Variants in C3orf49 observed in about 807,000 individuals in gnomAD.
C3orf49 encodes the protein chromosome 3 open reading frame 49.
In C3orf49, 27 loss-of-function variants were observed where a neutral mutation model predicts 13.3. That is an observed-to-expected ratio of 2.02 (90% CI 1.49 to 2.79). The LOEUF is 2.79. C3orf49 is among the 30% of genes most tolerant of loss of function. C3orf49 has a pLI of 0.00. For synonymous variants in C3orf49, 87 were observed against 47.6 expected (o/e 1.83, Z -3.40); for missense variants, 242 against 134.2 (o/e 1.80, Z -3.97).
the C3orf49 span, among the ~76,000 whole-genome samples, chr3:63,785,065 C>CTTTTTTTTTTTTTTTTTTTTTTTTTTTTT: frequency 1.5e-5 from 1 of 64,944 alleles, no homozygotes; most frequent in Non-Finnish European, 2.6e-5. Flanking sequence ...TCTTCTTCTT[C>CTTTTTTTTTTTTTTTTTTTTTTTTTTTTT]TTTTTTTTTT....
chr3:63,815,769 T>G (rs529056167), upstream of C3orf49, among the ~76,000 whole-genome samples: 8 of 148,542 alleles, frequency 5.4e-5, no homozygotes, highest in East Asian at 1.6e-3. Flanking sequence ...TTTCTTTTCT[T>G]TCTTTTTTTT....
the C3orf49 span, among the ~76,000 whole-genome samples, chr3:63,808,940 C>T: frequency 6.6e-6 from 1 of 152,146 alleles, no homozygotes; most frequent in African/African-American, 2.4e-5. Flanking sequence ...TCCTCTGGCA[C>T]TGAAGTACTG....
chr3:63,791,651 A>G, the C3orf49 span, among the ~76,000 whole-genome samples: 1 of 152,220 alleles, frequency 6.6e-6, no homozygotes, highest in Admixed American at 6.5e-5. Flanking sequence ...TATTAAAAGC[A>G]TCCCACTTGG....
At chr3:63,784,061 A>G in the C3orf49 span, among the ~76,000 whole-genome samples, 1 of 152,182 alleles carries the variant, frequency 6.6e-6, no homozygotes, top group Non-Finnish European at 1.5e-5. Context: ...CTCTGCAGCT[A>G]AGAAGGAAAT....
upstream of C3orf49, among the ~76,000 whole-genome samples, chr3:63,817,414 T>C (rs959124880): frequency 4.6e-5 from 6 of 129,460 alleles, no homozygotes; most frequent in Non-Finnish European, 9.2e-5. Flanking sequence ...GCAGTATCCC[T>C]GGTGTCTAGG....
chr3:63,842,187 A>T (rs74572960), intron 5 of C3orf49, among the ~76,000 whole-genome samples: 12 of 152,200 alleles, frequency 7.9e-5, no homozygotes, highest in Non-Finnish European at 1.6e-4. Flanking sequence ...AAGAAGACAT[A>T]CAAATGGCCA....
chr3:63,798,063 T>C, the C3orf49 span, among the ~76,000 whole-genome samples: 1 of 152,190 alleles, frequency 6.6e-6, no homozygotes, highest in Admixed American at 6.5e-5. Context: ...TATAAGATGT[T>C]AACAGGTGTT....
chr3:63,834,208 G>C (rs779611866), intron 5 of C3orf49: 6 of 1,613,510 alleles, frequency 3.7e-6, no homozygotes, highest in Non-Finnish European at 5.1e-6. Flanking sequence ...ATCTGTAATT[G>C]AGAAGGAAAC....
chr3:63,842,850 C>T (rs751488845), intron 5 of C3orf49, among the ~76,000 whole-genome samples: 1 of 152,146 alleles, frequency 6.6e-6, no homozygotes, highest in African/African-American at 2.4e-5. Flanking sequence ...GGCATGATCT[C>T]GGCTCACTGC....
At chr3:63,838,531 A>G (rs754452141) in intron 5 of C3orf49, 1 of 1,574,928 alleles carries the variant, frequency 6.3e-7, no homozygotes, top group Non-Finnish European at 8.6e-7. Flanking sequence ...CAAAATAAAG[A>G]TATTTGTGGA....
chr3:63,828,062 T>G (rs562610970), intron 3 of C3orf49, among the ~76,000 whole-genome samples: 12 of 152,372 alleles, frequency 7.9e-5, no homozygotes, highest in African/African-American at 2.6e-4. Flanking sequence ...CACTGTCCAG[T>G]GGAACTTTCT....
chr3:63,786,561 G>A, the C3orf49 span, among the ~76,000 whole-genome samples: 1 of 151,874 alleles, frequency 6.6e-6, no homozygotes, highest in Non-Finnish European at 1.5e-5. Context: ...GCTAAAGAAG[G>A]AAAAAAAATA....
chr3:63,795,530 G>C, the C3orf49 span, among the ~76,000 whole-genome samples: 1 of 151,930 alleles, frequency 6.6e-6, no homozygotes, highest in Admixed American at 6.6e-5. Flanking sequence ...TATACTTCTG[G>C]GAGACACTCC....
chr3:63,835,064 G>A (rs1236716874), intron 5 of C3orf49: 4 of 1,280,934 alleles, frequency 3.1e-6, no homozygotes, highest in Middle Eastern at 2.0e-4. Flanking sequence ...AAGGTATACT[G>A]TCTCTCCAAG....
At chr3:63,820,719 A>C (rs763935045) in intron 1 of C3orf49, among the ~76,000 whole-genome samples, 5 of 152,188 alleles carry the variant, frequency 3.3e-5, no homozygotes, top group Non-Finnish European at 7.3e-5. Flanking sequence ...CGGGAGATTA[A>C]TCCTACCCAT....
chr3:63,789,768 G>A, the C3orf49 span, among the ~76,000 whole-genome samples: 1 of 132,608 alleles, frequency 7.5e-6, no homozygotes. Flanking sequence ...CCAAGATGGC[G>A]CCACCGCACT....
At chr3:63,825,233 G>C (rs1270593738) in intron 2 of C3orf49, among the ~76,000 whole-genome samples, 1 of 151,692 alleles carries the variant, frequency 6.6e-6, no homozygotes, top group Non-Finnish European at 1.5e-5. Context: ...AGCCCTTCTA[G>C]TATATGTAAA....
intron 5 of C3orf49, among the ~76,000 whole-genome samples, chr3:63,838,894 AAAAT>A (rs1407935152): frequency 1.3e-5 from 2 of 152,238 alleles, no homozygotes; most frequent in Admixed American, 6.5e-5. Context: ...GCTATGTTAA[AAAAT>A]AAATAAATAT....
chr3:63,831,886 C>T, intron 5 of C3orf49, 42 bp downstream of exon 5: 1 of 684,774 alleles, frequency 1.5e-6, no homozygotes, highest in Non-Finnish European at 2.6e-6. Context: ...GACTTTGTTC[C>T]TGATTCTTTA....
Sources: allele counts gnomAD v4.1 joint callset (sites outside exome capture counted in the v4.1 genomes callset), GRCh38; gene constraint gnomAD v4.1.1; transcripts MANE v1.5; gene names NCBI Gene and HGNC (gene_info 2026-07-23, HGNC 2026-07-21).